Variants in TRPM3 observed in about 807,000 individuals in gnomAD.
TRPM3 encodes the protein long transient receptor potential channel 3.
Under a neutral mutation model 181.2 loss-of-function variants are expected in TRPM3, and 77 were observed. That is an observed-to-expected ratio of 0.42 (90% confidence interval 0.35 to 0.51). The LOEUF (loss-of-function observed/expected upper bound fraction) is 0.51. Among genes scored for constraint, TRPM3 ranks in the 20% least tolerant of loss-of-function variants. TRPM3 has a pLI of 0.01. For synonymous variants in TRPM3, 745 were observed against 796.4 expected (o/e 0.94, Z 1.09); for missense variants, 1,759 against 2,196.7 (o/e 0.80, Z 3.98).
Position 70,536,040 on chromosome 9 carries a change from G to C in TRPM3, c.5073C>G (p.Ser1691=). ...LRNPFQRSKS[S]KPEGRGDSLS... is the part of the protein sequence containing the mutation. ...GGCTGTCCCCTCGGCCCTCCGGCTT[G>C]GAGGACTTGCTTCTCTGGAAGGGAT... is the stretch of plus-strand genomic sequence containing the variant. The change falls in exon 26 of 26, where the codon TCC becomes TCG. Residue 1691 remains serine, a synonymous_variant. Transcript: ENST00000677713. The C allele has an allele frequency of 6.2e-7, 1 of 1,614,200 alleles. No individual in the cohort carries two copies. Among genetic ancestry groups the C allele is most frequent in the Non-Finnish European group, 8.5e-7 (1 of 1,180,028 alleles).
intron 6 of TRPM3, among the ~76,000 whole-genome samples, chr9:70,815,719 T>C (rs2092634214): frequency 6.6e-6 from 1 of 152,218 alleles, no homozygotes; most frequent in South Asian, 2.1e-4. Context: ...AAATTAGCTC[T>C]TTGTCATTGT....
At chr9:71,398,926 G>A (rs2093267588) in intron 1 of TRPM3, among the ~76,000 whole-genome samples, 1 of 152,082 alleles carries the variant, frequency 6.6e-6, no homozygotes, top group Middle Eastern at 3.4e-3. Flanking sequence ...ACTTTAAAAT[G>A]AAAATTCTTT....
chr9:70,598,532 T>C lies in TRPM3; in HGVS notation c.2935A>G (p.Ser979Gly), dbSNP rs765896465. ...ILRLQDQPFR[S>G]DGRVIYCVNI... ...ACGCAGTAGATGACCCTCCCGTCAC[T>C]CCTGAAGGGCTGGTCTTGGAGACGA... The change falls in exon 21 of 26, where the codon AGT becomes GGT. Residue 979 changes from serine to glycine, a missense_variant. Transcript: ENST00000677713. The C allele has an allele frequency of 1.2e-6, 2 of 1,614,184 alleles. No homozygotes were observed. The highest frequency in any genetic ancestry group is 3.3e-5 in the Admixed American group (2 of 60,020).
rs527747071 is a variant in TRPM3, at chr9:71,088,295, T to A, written c.177+32883A>T. Among the ~76,000 whole-genome samples, 13 of 152,148 alleles carry A rather than the reference T, an allele frequency of 8.5e-5. No homozygotes were observed. In the East Asian group the frequency reaches 2.5e-3, roughly 29 times the overall value. ...TGGGATGGAAGCTGCTCAAATAGATTTTGAAAGTTGACTGGGGCATTTGCA... is the reference window on the plus strand; with the variant it reads ...TGGGATGGAAGCTGCTCAAATAGATATTGAAAGTTGACTGGGGCATTTGCA... On this transcript the variant is annotated intron_variant, in intron 1 of 25. Transcript: ENST00000677713.
chr9:70,854,385 C>A lies in TRPM3; in HGVS notation c.463-7794G>T, dbSNP rs149489903. ...TGTTGTTAAACAGGGGTGATCCTGACGACCTCACAGGACACTGTGTGGATT... is the reference window on the plus strand; with the variant it reads ...TGTTGTTAAACAGGGGTGATCCTGAAGACCTCACAGGACACTGTGTGGATT... On this transcript the variant is annotated intron_variant, in intron 3 of 25. Coordinates refer to ENST00000677713, the MANE Select transcript of TRPM3 (RefSeq NM_001366145.2). Among the ~76,000 whole-genome samples, 135 of 152,274 alleles carry A rather than the reference C, an allele frequency of 8.9e-4. 1 individual carries two copies. The South Asian group carries it at 0.018, about 20-fold the overall frequency.
intron 1 of TRPM3, among the ~76,000 whole-genome samples, chr9:71,083,249 T>A (rs2133788724): frequency 6.6e-6 from 1 of 152,254 alleles, no homozygotes; most frequent in South Asian, 2.1e-4. Context: ...TATTGAGTGC[T>A]TATCATGGAT....
chr9:70,628,356 T>G (rs2065049473), intron 12 of TRPM3, among the ~76,000 whole-genome samples: 1 of 152,294 alleles, frequency 6.6e-6, no homozygotes, highest in South Asian at 2.1e-4. Flanking sequence ...AGCAGACACT[T>G]TCCCTTAAGC....
At chr9:70,779,858 G>C (rs760892715) in intron 7 of TRPM3, among the ~76,000 whole-genome samples, 5 of 152,054 alleles carry the variant, frequency 3.3e-5, no homozygotes, top group Non-Finnish European at 5.9e-5. Flanking sequence ...TGACAGATGA[G>C]AAACAGAAAA....
chr9:70,545,282 A>G (rs528003741), intron 25 of TRPM3, among the ~76,000 whole-genome samples: 22 of 152,346 alleles, frequency 1.4e-4, no homozygotes, highest in Admixed American at 5.2e-4. Flanking sequence ...AAAAAAGTAA[A>G]TGAATGGATA....
At chr9:71,084,774 A>C (rs76354335) in intron 1 of TRPM3, among the ~76,000 whole-genome samples, 2 of 152,114 alleles carry the variant, frequency 1.3e-5, no homozygotes, top group East Asian at 3.9e-4. Flanking sequence ...GAAAAAAAAA[A>C]CTATTCTACA....
chr9:71,063,295 G>A (rs1481184419), intron 1 of TRPM3, among the ~76,000 whole-genome samples: 1 of 152,130 alleles, frequency 6.6e-6, no homozygotes, highest in East Asian at 1.9e-4. Flanking sequence ...GTGATCAATA[G>A]CTTAGCTGAG....
intron 8 of TRPM3, among the ~76,000 whole-genome samples, chr9:70,683,760 A>T (rs1039492036): frequency 4.6e-5 from 7 of 152,126 alleles, no homozygotes; most frequent in African/African-American, 1.7e-4. Flanking sequence ...CCAAACAGCT[A>T]TTTAATGCCC....
chr9:70,918,604 G>T (rs1305017271), intron 1 of TRPM3, among the ~76,000 whole-genome samples: 1 of 152,034 alleles, frequency 6.6e-6, no homozygotes, highest in Non-Finnish European at 1.5e-5. Flanking sequence ...AAAACTGTGG[G>T]ATACAGCAAA....
At chr9:71,100,941 G>A (rs1466677207) in intron 1 of TRPM3, among the ~76,000 whole-genome samples, 1 of 152,124 alleles carries the variant, frequency 6.6e-6, no homozygotes, top group Non-Finnish European at 1.5e-5. Context: ...ATCCTGGCAA[G>A]TGACATGACT....
chr9:71,343,693 C>A (rs2091110567), intron 1 of TRPM3, among the ~76,000 whole-genome samples: 1 of 151,792 alleles, frequency 6.6e-6, no homozygotes, highest in African/African-American at 2.4e-5. Flanking sequence ...GTAATAACAT[C>A]TCAGGAGCAG....
intron 1 of TRPM3, among the ~76,000 whole-genome samples, chr9:71,199,382 C>A (rs1463575766): frequency 4.6e-5 from 7 of 152,116 alleles, no homozygotes; most frequent in Admixed American, 2.6e-4. Context: ...ATGATGCTAG[C>A]CTCATAAAAT....
intron 1 of TRPM3, among the ~76,000 whole-genome samples, chr9:71,250,701 TGAGA>T (rs1241826916): frequency 4.6e-5 from 7 of 151,716 alleles, no homozygotes; most frequent in Admixed American, 4.6e-4. Context: ...ATGTGAAACA[TGAGA>T]AAGAGCCAGC....
At chr9:71,324,856 A>C (rs927253445) in intron 1 of TRPM3, among the ~76,000 whole-genome samples, 4 of 152,140 alleles carry the variant, frequency 2.6e-5, no homozygotes, top group African/African-American at 9.7e-5. Flanking sequence ...AAGTGAAACA[A>C]ATATTGCAGT....
intron 21 of TRPM3, among the ~76,000 whole-genome samples, chr9:70,591,830 C>G (rs896459497): frequency 6.6e-6 from 1 of 152,190 alleles, no homozygotes; most frequent in African/African-American, 2.4e-5. Context: ...TACCACCAAC[C>G]AGTCTCTCAG....
Sources: allele counts gnomAD v4.1 joint callset (sites outside exome capture counted in the v4.1 genomes callset), GRCh38; gene constraint gnomAD v4.1.1; transcripts MANE v1.5; gene names NCBI Gene and HGNC (gene_info 2026-07-23, HGNC 2026-07-21).